Variants in HUNK observed in about 807,000 individuals in gnomAD.
HUNK encodes the protein hormonally up-regulated neu tumor-associated kinase.
In HUNK, 21 loss-of-function variants were observed where a neutral mutation model predicts 61.0. The ratio of observed to expected loss-of-function variants is 0.34; its 90% CI spans 0.24 to 0.50. The LOEUF (loss-of-function observed/expected upper bound fraction) is 0.50, where lower values mean the gene tolerates loss of function less well. Ranked by LOEUF, HUNK falls within the 20% of genes least tolerant of loss-of-function variation. The pLI is 0.98. For synonymous variants in HUNK, 371 were observed against 386.1 expected (o/e 0.96, Z 0.46); for missense variants, 772 against 945.7 (o/e 0.82, Z 2.41).
At chr21:31,889,130 C>T (rs1273322795) in intron 1 of HUNK, among the ~76,000 whole-genome samples, 1 of 152,188 alleles carries the variant, frequency 6.6e-6, no homozygotes, top group Non-Finnish European at 1.5e-5. Context: ...CCTCGTTAAA[C>T]CATCCTCCTA....
intron 4 of HUNK, among the ~76,000 whole-genome samples, chr21:31,958,267 C>T (rs1019305070): frequency 6.6e-6 from 1 of 151,948 alleles, no homozygotes. Context: ...TCTTCACATT[C>T]AAGTGCTCTC....
chr21:31,875,638 CTAAT>C (rs1384923468), intron 1 of HUNK, among the ~76,000 whole-genome samples: 4 of 152,202 alleles, frequency 2.6e-5, no homozygotes, highest in Non-Finnish European at 4.4e-5. Context: ...GAGGATGCGG[CTAAT>C]TAGAGTGAGC....
chr21:31,892,808 G>A (rs2123794276), intron 1 of HUNK, among the ~76,000 whole-genome samples: 1 of 152,252 alleles, frequency 6.6e-6, no homozygotes, highest in East Asian at 1.9e-4. Context: ...ACCTCCCTGA[G>A]GACCGCGATG....
intron 8 of HUNK, among the ~76,000 whole-genome samples, chr21:31,984,309 A>G (rs1480584655): frequency 6.6e-6 from 1 of 152,260 alleles, no homozygotes; most frequent in African/African-American, 2.4e-5. Context: ...TGATCATTAC[A>G]TATTGAATAC....
chr21:31,943,002 G>A (rs1363883630), intron 3 of HUNK, among the ~76,000 whole-genome samples: 3 of 152,130 alleles, frequency 2.0e-5, no homozygotes. Context: ...CCTGGGTTGG[G>A]CAATTTAGAT....
At chr21:31,896,239 A>C (rs1372074315) in intron 1 of HUNK, among the ~76,000 whole-genome samples, 1 of 152,184 alleles carries the variant, frequency 6.6e-6, no homozygotes, top group South Asian at 2.1e-4. Context: ...GCCCGGGCCA[A>C]CTAATACACT....
intron 1 of HUNK, among the ~76,000 whole-genome samples, chr21:31,905,506 C>T (rs1194474137): frequency 3.9e-5 from 6 of 152,208 alleles, no homozygotes; most frequent in African/African-American, 1.2e-4. Context: ...ATCTCCATGT[C>T]GTTCTTCCCA....
intron 1 of HUNK, among the ~76,000 whole-genome samples, chr21:31,879,555 C>A (rs947334112): frequency 1.3e-5 from 2 of 152,156 alleles, no homozygotes; most frequent in Non-Finnish European, 2.9e-5. Context: ...ACGGTGCCCA[C>A]GGAGAGGAGT....
At chr21:31,887,822 C>A (rs1195085119) in intron 1 of HUNK, among the ~76,000 whole-genome samples, 2 of 152,152 alleles carry the variant, frequency 1.3e-5, no homozygotes, top group Non-Finnish European at 2.9e-5. Flanking sequence ...GGATTCTTAG[C>A]GATTCCCTTG....
At chr21:31,958,288 T>TTCTTTCTG in intron 4 of HUNK, among the ~76,000 whole-genome samples, 1 of 150,352 alleles carries the variant, frequency 6.7e-6, no homozygotes, top group Non-Finnish European at 1.5e-5. Flanking sequence ...ACCCAAGACT[T>TTCTTTCTG]TCTTTCTTTC....
intron 4 of HUNK, among the ~76,000 whole-genome samples, chr21:31,957,521 A>G (rs1210664490): frequency 6.6e-6 from 1 of 152,198 alleles, no homozygotes; most frequent in Non-Finnish European, 1.5e-5. Context: ...CTTAATTTCA[A>G]TCAGTCTCAT....
chr21:31,976,906 G>T (rs1183875848), intron 7 of HUNK, among the ~76,000 whole-genome samples: 2 of 151,776 alleles, frequency 1.3e-5, no homozygotes, highest in East Asian at 1.9e-4. Flanking sequence ...GAGTAGCTGG[G>T]ACTACAGGTA....
chr21:31,996,142 A>C (rs1371419365), intron 10 of HUNK, among the ~76,000 whole-genome samples, 194 bp downstream of exon 10: 1 of 152,258 alleles, frequency 6.6e-6, no homozygotes, highest in Non-Finnish European at 1.5e-5. Flanking sequence ...CCATCTGTGC[A>C]GGAAGAATTT....
intron 6 of HUNK, among the ~76,000 whole-genome samples, chr21:31,973,448 C>A (rs2053026681): frequency 6.6e-6 from 1 of 152,134 alleles, no homozygotes; most frequent in Admixed American, 6.5e-5. Flanking sequence ...AGAATGCCAT[C>A]ATTCTTTGTA....
chr21:31,997,714 T>C (rs1384465323), intron 10 of HUNK, among the ~76,000 whole-genome samples: 4 of 152,226 alleles, frequency 2.6e-5, no homozygotes, highest in African/African-American at 9.6e-5. Flanking sequence ...ATAACATTTC[T>C]GCTACGTGTT....
intron 8 of HUNK, 87 bp from the exon 9 acceptor site, chr21:31,990,042 C>A: frequency 1.7e-6 from 2 of 1,200,486 alleles, no homozygotes; most frequent in Non-Finnish European, 2.5e-6. Flanking sequence ...AATTCTCAAC[C>A]AGAGCTGCAG....
At chr21:31,891,882 G>C (rs1387731101) in intron 1 of HUNK, among the ~76,000 whole-genome samples, 1 of 152,132 alleles carries the variant, frequency 6.6e-6, no homozygotes, top group East Asian at 1.9e-4. Flanking sequence ...AGTGGGTCCA[G>C]TGTTTCATAG....
chr21:31,879,294 A>G (rs1045066814), intron 1 of HUNK, among the ~76,000 whole-genome samples: 20 of 152,294 alleles, frequency 1.3e-4, no homozygotes, highest in Admixed American at 1.0e-3. Flanking sequence ...CTTGGCAGGG[A>G]CTTCTTGGCA....
At chr21:31,961,187 CT>C (rs1212010039) in intron 5 of HUNK, among the ~76,000 whole-genome samples, 1 of 152,118 alleles carries the variant, frequency 6.6e-6, no homozygotes, top group South Asian at 2.1e-4. Context: ...ATGTAAATCA[CT>C]TTTTTTCCCA....
Sources: allele counts gnomAD v4.1 joint callset (sites outside exome capture counted in the v4.1 genomes callset), GRCh38; gene constraint gnomAD v4.1.1; transcripts MANE v1.5; gene names NCBI Gene and HGNC (gene_info 2026-07-23, HGNC 2026-07-21).